STAT4: variants seen among roughly 807,000 people sequenced by gnomAD.
STAT4 encodes signal transducer and activator of transcription 4.
Under a neutral mutation model 110.5 loss-of-function variants are expected in STAT4, and 42 were observed. The ratio of observed to expected loss-of-function variants is 0.38; its 90% CI spans 0.30 to 0.49. The LOEUF is 0.49. STAT4 is among the 20% of genes least tolerant of loss of function. The pLI, the probability that STAT4 is intolerant of heterozygous loss-of-function variation, is 0.95. For synonymous variants in STAT4, 284 were observed against 302.2 expected (o/e 0.94, Z 0.63); for missense variants, 632 against 887.9 (o/e 0.71, Z 3.66).
In STAT4 at chr2:191,132,644, G is replaced by A. The variant is rs547271164; in HGVS notation, c.273+13969C>T. On this transcript the variant is annotated intron_variant, in intron 3 of 23. Coordinates refer to ENST00000392320, the MANE Select transcript of STAT4 (RefSeq NM_003151.4). ...GTGGGGATGGGAACGAGAAGTGGAA[G>A]CAAATTTAAGAACGTTAATTTCTCC... Among the ~76,000 whole-genome samples the A allele has an allele frequency of 2.6e-5, 4 of 151,808 alleles. No homozygotes were observed. The East Asian group carries it at 7.7e-4, about 29-fold the overall frequency.
At chr2:191,103,580 C>T (rs1265935452) in intron 3 of STAT4, among the ~76,000 whole-genome samples, 2 of 152,038 alleles carry the variant, frequency 1.3e-5, no homozygotes, top group African/African-American at 4.8e-5. Flanking sequence ...TCCAAATTCT[C>T]TTAATCATAG....
intron 3 of STAT4, among the ~76,000 whole-genome samples, chr2:191,130,139 T>C (rs1189644461): frequency 6.6e-6 from 1 of 152,086 alleles, no homozygotes; most frequent in African/African-American, 2.4e-5. Context: ...AGAATATTGA[T>C]AGATAGTGTA....
rs1034930449 is a variant in STAT4, at chr2:191,086,495, A to G, written c.274-10170T>C. ...AATTACTTTCAATGCATTTTATACA[A>G]ATAATCAGACCAAGTATAATTAAAC... is the stretch of plus-strand genomic sequence containing the variant. On this transcript the variant is annotated intron_variant, in intron 3 of 23. Coordinates refer to ENST00000392320, the MANE Select transcript of STAT4 (RefSeq NM_003151.4). The surrounding 1 kb of genome is among the most constrained non-coding windows in gnomAD (Gnocchi z 5.5). Among the ~76,000 whole-genome samples, 2 of 152,240 alleles carry G rather than the reference A, an allele frequency of 1.3e-5. No individual in the cohort carries two copies. The highest frequency in any genetic ancestry group is 4.8e-5 in the African/African-American group (2 of 41,468).
Position 191,135,446 on chromosome 2 carries a change from C to T in STAT4, c.273+11167G>A, listed in dbSNP as rs924439756. ...GTCCAGGACTGGATGACTTTACTGT[C>T]GAATTCTTTGTTGTTGTTGTTGTTA... On this transcript the variant is annotated intron_variant, in intron 3 of 23. Transcript: ENST00000392320. The surrounding 1 kb of genome is among the most constrained non-coding windows in gnomAD (Gnocchi z 4.8). Among the ~76,000 whole-genome samples the T allele has an allele frequency of 5.9e-5, 9 of 152,072 alleles. No homozygotes were observed. The highest frequency in any genetic ancestry group is 3.8e-4 in the East Asian group (2 of 5,198).
intron 3 of STAT4, among the ~76,000 whole-genome samples, chr2:191,094,605 G>T (rs1031994072): frequency 1.3e-5 from 2 of 152,054 alleles, no homozygotes; most frequent in Admixed American, 6.5e-5. Context: ...AAAAATGGGA[G>T]GGAACAACCG....
rs1360515530 is a variant in STAT4 at position 191,034,633 on chromosome 2, A to T, written c.1571-36T>A. 5.5e-6 allele frequency: 8 copies of T among 1,461,026 alleles called. No individual in the cohort carries two copies. The Admixed American group carries it at 1.0e-4, about 19-fold the overall frequency. The allele number at this position is 1,461,026 out of a possible 1,614,324, so 90.5% of individuals were successfully genotyped here. A position where few individuals can be genotyped will look rare whatever the true frequency, so the allele number is the denominator to read the frequency against. On this transcript the variant is annotated intron_variant, in intron 17 of 23. Transcript: ENST00000392320. The stretch of plus-strand genomic sequence containing the variant: ...AGAAAAGAATGAAATTTTTCACTGG[A>T]CAATGAGATGCTTCAATTTTGTGCT...
intron 13 of STAT4, among the ~76,000 whole-genome samples, chr2:191,056,362 G>GTAA (rs1395376314): frequency 5.3e-5 from 8 of 152,168 alleles, no homozygotes; most frequent in Non-Finnish European, 1.0e-4. Context: ...AGAGGAAGTG[G>GTAA]TAAAAGCAAG....
chr2:191,040,638 C>T (rs3024871), intron 15 of STAT4, among the ~76,000 whole-genome samples: 2,430 of 152,088 alleles, frequency 0.016, 65 homozygotes, highest in African/African-American at 0.054. Context: ...CAGCACTCAC[C>T]GCAGCCTCCA....
In STAT4 at chr2:191,062,251, C is replaced by A. The variant is rs1696868816; in HGVS notation, c.942-430G>T. Among the ~76,000 whole-genome samples, 1 of 151,884 alleles carries A rather than the reference C, an allele frequency of 6.6e-6. No homozygotes were observed. The highest frequency in any genetic ancestry group is 1.5e-5 in the Non-Finnish European group (1 of 67,952). ...TTTATTTTTCTGTAGAGATGGGGGT[C>A]TTTTTATGCTGTCCAGGCTGTTCTA... On this transcript the variant is annotated intron_variant, in intron 9 of 23. Transcript: ENST00000392320. The surrounding 1 kb of genome is among the most constrained non-coding windows in gnomAD (Gnocchi z 4.9).
chr2:191,143,082 G>A lies in STAT4; in HGVS notation c.273+3531C>T, dbSNP rs1189726167. ...GAAACTGGGATGTGGAGCTGGGAAG[G>A]AAGTATATGAGAACTTCACTTTCTG... On this transcript the variant is annotated intron_variant, in intron 3 of 23. Transcript: ENST00000392320. This position sits in a 1 kb window ranked among gnomAD's most constrained non-coding sequence, Gnocchi z 5.6. Among the ~76,000 whole-genome samples, 1 of 152,152 alleles carries A rather than the reference G, an allele frequency of 6.6e-6. No homozygotes were observed. Among genetic ancestry groups the A allele is most frequent in the Non-Finnish European group, 1.5e-5 (1 of 68,032 alleles).
chr2:191,109,240 C>G (rs970035778), intron 3 of STAT4, among the ~76,000 whole-genome samples: 1 of 152,042 alleles, frequency 6.6e-6, no homozygotes, highest in Admixed American at 6.6e-5. Context: ...AAAAATCTCT[C>G]AACTTTTCAA....
intron 16 of STAT4, among the ~76,000 whole-genome samples, chr2:191,038,713 G>C (rs1696109867): frequency 6.6e-6 from 1 of 152,216 alleles, no homozygotes; most frequent in Non-Finnish European, 1.5e-5. Context: ...AACCCAGCTT[G>C]AGCCTAGGAT....
At chr2:191,080,593 G>T (rs1697437403) in intron 3 of STAT4, among the ~76,000 whole-genome samples, 1 of 152,074 alleles carries the variant, frequency 6.6e-6, no homozygotes, top group African/African-American at 2.4e-5. Flanking sequence ...TCTACATATG[G>T]TTAAATGGTT....
intron 3 of STAT4, among the ~76,000 whole-genome samples, chr2:191,124,287 T>C (rs1698817717): frequency 6.6e-6 from 1 of 151,846 alleles, no homozygotes; most frequent in Non-Finnish European, 1.5e-5. Flanking sequence ...AAACCCCGTC[T>C]CTACTAAAAA....
At chr2:191,094,185 AC>A (rs1697891128) in intron 3 of STAT4, among the ~76,000 whole-genome samples, 3 of 152,248 alleles carry the variant, frequency 2.0e-5, no homozygotes, top group Admixed American at 2.0e-4. Context: ...ATCCGGGAGA[AC>A]TTTCCCAACC....
At position 191,077,491 on chromosome 2, in the gene STAT4, C is replaced by T. The variant is rs151234210; in HGVS notation, c.274-1166G>A. Among the ~76,000 whole-genome samples, 1,050 of 152,198 alleles carry T rather than the reference C, an allele frequency of 6.9e-3. 3 individuals are homozygous for T. Among genetic ancestry groups the T allele is most frequent in the Non-Finnish European group, 0.011 (760 of 67,998 alleles). ...TTATTTAGTTTCCCTCAGCCCTCCTCCCTGAAGCTGGTGTGAATATATATG... is the reference window on the plus strand; with the variant it reads ...TTATTTAGTTTCCCTCAGCCCTCCTTCCTGAAGCTGGTGTGAATATATATG... On this transcript the variant is annotated intron_variant, in intron 3 of 23. Coordinates refer to ENST00000392320, the MANE Select transcript of STAT4 (RefSeq NM_003151.4). This position sits in a 1 kb window ranked among gnomAD's most constrained non-coding sequence, Gnocchi z 4.1.
intron 3 of STAT4, among the ~76,000 whole-genome samples, chr2:191,087,401 T>C (rs572645277): frequency 2.6e-5 from 4 of 152,274 alleles, no homozygotes; most frequent in Admixed American, 2.0e-4. Flanking sequence ...TGTTTTAAAA[T>C]GGTTGCAGCT....
intron 3 of STAT4, among the ~76,000 whole-genome samples, chr2:191,092,998 G>A (rs1365336182): frequency 6.6e-6 from 1 of 152,228 alleles, no homozygotes; most frequent in Non-Finnish European, 1.5e-5. Context: ...AGGGGAAGGA[G>A]CATCTGCCAT....
chr2:191,061,831 A>C lies in STAT4; in HGVS notation c.942-10T>G. 1 of 1,609,716 alleles carries C rather than the reference A, an allele frequency of 6.2e-7. No individual in the cohort carries two copies. Among genetic ancestry groups the C allele is most frequent in the East Asian group, 2.2e-5 (1 of 44,826 alleles). Reference sequence around the variant, plus strand: ...CTCAACCACAAATGAGCTAGATGAAAAGGAAATAAAGCGCATCATTTGAAA... The same window carrying C: ...CTCAACCACAAATGAGCTAGATGAACAGGAAATAAAGCGCATCATTTGAAA... On this transcript the variant is annotated splice_polypyrimidine_tract_variant and intron_variant, in intron 9 of 23. Transcript: ENST00000392320. The surrounding 1 kb of genome is among the most constrained non-coding windows in gnomAD (Gnocchi z 6.2).
Sources: gnomAD v4.1 joint callset for allele counts (sites outside exome capture counted in the v4.1 genomes callset) on GRCh38, gnomAD v4.1.1 for gene constraint, Gnocchi (gnomAD v3.1) non-coding constraint, MANE v1.5 for transcripts, NCBI Gene and HGNC (gene_info 2026-07-23, HGNC 2026-07-21) for gene names.